The following ZDHHC13 variants were observed in gnomAD, a reference collection of about 807,000 sequenced individuals.
The protein encoded by ZDHHC13 is zDHHC palmitoyltransferase 13.
ZDHHC13 carries 85 observed loss-of-function variants against 86.0 expected under a neutral mutation model. The ratio of observed to expected loss-of-function variants is 0.99; its 90% confidence interval spans 0.83 to 1.18. The LOEUF is 1.18. ZDHHC13 is among the 50% of genes most tolerant of loss of function. ZDHHC13 has a pLI of 0.00. For synonymous variants in ZDHHC13, 263 were observed against 246.4 expected, an observed-to-expected ratio of 1.07 and a Z score of -0.63; for missense variants, 711 against 730.2, an observed-to-expected ratio of 0.97 and a Z score of 0.30.
chr11:19,140,352 A>C (rs538873280), intron 1 of ZDHHC13, among the ~76,000 whole-genome samples: 1 of 152,346 alleles, frequency 6.6e-6, no homozygotes, highest in African/African-American at 2.4e-5. Flanking sequence ...AATGCAAATC[A>C]AAACCACAAT....
At chr11:19,170,375 CTTTTTTTTT>C in intron 14 of ZDHHC13, 27 bp from the exon 15 acceptor site, 6 of 1,234,778 alleles carry the variant, frequency 4.9e-6, no homozygotes, top group Admixed American at 4.2e-5. Flanking sequence ...AGTTTATTGC[CTTTTTTTTT>C]TTTTTTTTTT....
chr11:19,117,287 C>A lies in ZDHHC13; in HGVS notation c.27+11C>A. The A allele has an allele frequency of 6.8e-7, 1 of 1,472,632 alleles. No homozygotes were observed. Among genetic ancestry groups the A allele is most frequent in the Middle Eastern group, 2.4e-4 (1 of 4,084 alleles). The allele number at this position is 1,472,632 out of a possible 1,614,324, so 91.2% of individuals were successfully genotyped here. A position where few individuals can be genotyped will look rare whatever the true frequency, so the allele number is the denominator to read the frequency against. ...GGGCTGGGCTCGCAGGTGAGTGCGG[C>A]CGGGCGGTGGCTGTCCTGGGGGCCG... is the stretch of plus-strand genomic sequence containing the variant. On this transcript the variant is annotated intron_variant, in intron 1 of 16. Coordinates refer to ENST00000446113, the MANE Select transcript of ZDHHC13 (RefSeq NM_019028.3). This position sits in a 1 kb window ranked among gnomAD's most constrained non-coding sequence, Gnocchi z 4.2.
At chr11:19,128,500 T>C (rs1339577256) in intron 1 of ZDHHC13, among the ~76,000 whole-genome samples, 1 of 152,226 alleles carries the variant, frequency 6.6e-6, no homozygotes, top group Non-Finnish European at 1.5e-5. Flanking sequence ...ATAGAAGTGC[T>C]GAGAGCAGGC....
At chr11:19,145,825 A>G (rs533924984) in intron 2 of ZDHHC13, among the ~76,000 whole-genome samples, 2 of 152,258 alleles carry the variant, frequency 1.3e-5, no homozygotes, top group South Asian at 2.1e-4. Context: ...AGATTATTGC[A>G]TGGGCTTGGT....
At chr11:19,175,796 T>C in intron 16 of ZDHHC13, 26 bp from the exon 17 acceptor site, 1 of 1,605,604 alleles carries the variant, frequency 6.2e-7, no homozygotes, top group South Asian at 1.1e-5. Context: ...TAGTAAGACA[T>C]GTTCTCTTTT....
intron 1 of ZDHHC13, among the ~76,000 whole-genome samples, chr11:19,136,539 C>A (rs1345499316): frequency 2.0e-5 from 3 of 152,114 alleles, no homozygotes; most frequent in African/African-American, 7.2e-5. Context: ...TGTAGCAAGG[C>A]CAACATTCAG....
intron 1 of ZDHHC13, among the ~76,000 whole-genome samples, chr11:19,142,018 G>A (rs1349859332): frequency 1.3e-5 from 2 of 152,072 alleles, no homozygotes; most frequent in African/African-American, 2.4e-5. Flanking sequence ...TTAACCAACT[G>A]AGCTAGCACG....
intron 1 of ZDHHC13, among the ~76,000 whole-genome samples, chr11:19,142,299 G>C (rs959828794): frequency 1.3e-5 from 2 of 152,086 alleles, no homozygotes; most frequent in South Asian, 2.1e-4. Context: ...ACAGGCCCTC[G>C]CATATCATGG....
At position 19,176,321 on chromosome 11, in the gene ZDHHC13, G is replaced by A. The variant is rs1444681507; in HGVS notation, c.*361G>A. ...TCTTTAAACTTGTAATTTTTGCTAA[G>A]TTATTTGTCTTTGTTGTATCTATAA... is the stretch of plus-strand genomic sequence containing the variant. On this transcript the variant is annotated 3_prime_UTR_variant, in exon 17 of 17. Transcript: ENST00000446113. 1.3e-5 allele frequency: 2 copies of A among 156,542 alleles called. No individual in the cohort carries two copies. The highest frequency in any genetic ancestry group is 2.8e-5 in the Non-Finnish European group (2 of 70,960). 9.7% of individuals were successfully genotyped at this position (156,542 alleles called of 1,614,324 possible).
At chr11:19,142,421 A>G (rs1849346055) in intron 1 of ZDHHC13, among the ~76,000 whole-genome samples, 1 of 152,136 alleles carries the variant, frequency 6.6e-6, no homozygotes, top group Non-Finnish European at 1.5e-5. Context: ...GCCATATTCC[A>G]TTGCCTAGAA....
intron 8 of ZDHHC13, 123 bp from the exon 9 acceptor site, chr11:19,155,673 T>C: frequency 3.0e-6 from 3 of 1,007,272 alleles, no homozygotes; most frequent in Non-Finnish European, 4.1e-6. Flanking sequence ...GAAAACTTTG[T>C]GTTAGCTTTG....
At chr11:19,123,643 T>A (rs75713241) in intron 1 of ZDHHC13, among the ~76,000 whole-genome samples, 2,938 of 151,960 alleles carry the variant, frequency 0.019, 98 homozygotes, top group African/African-American at 0.067. Flanking sequence ...TAATACCCCA[T>A]CTCAAAAACA....
At chr11:19,131,220 A>C (rs1848993592) in intron 1 of ZDHHC13, among the ~76,000 whole-genome samples, 1 of 152,116 alleles carries the variant, frequency 6.6e-6, no homozygotes, top group East Asian at 1.9e-4. Context: ...GGGTTTCACC[A>C]TATTGGCCAG....
At chr11:19,141,767 T>C (rs769964975) in intron 1 of ZDHHC13, among the ~76,000 whole-genome samples, 1 of 151,818 alleles carries the variant, frequency 6.6e-6, no homozygotes, top group South Asian at 2.1e-4. Flanking sequence ...TCAAATTAGT[T>C]TGAATGACAA....
intron 1 of ZDHHC13, among the ~76,000 whole-genome samples, chr11:19,124,868 G>T (rs772774038): frequency 2.0e-5 from 3 of 152,084 alleles, no homozygotes; most frequent in Non-Finnish European, 4.4e-5. Flanking sequence ...CAAATCAGTA[G>T]CTGATTTACC....
intron 1 of ZDHHC13, among the ~76,000 whole-genome samples, chr11:19,119,743 G>T (rs532588248): frequency 6.6e-6 from 1 of 152,340 alleles, no homozygotes; most frequent in African/African-American, 2.4e-5. Flanking sequence ...TATAGGGACA[G>T]TGATTTTTGT....
intron 8 of ZDHHC13, among the ~76,000 whole-genome samples, chr11:19,155,478 G>A (rs1406468188): frequency 1.3e-5 from 2 of 151,610 alleles, no homozygotes. Context: ...CTACTTGGGA[G>A]GCTGAGCCAA....
At chr11:19,131,105 G>C (rs1055731245) in intron 1 of ZDHHC13, among the ~76,000 whole-genome samples, 4 of 151,920 alleles carry the variant, frequency 2.6e-5, no homozygotes, top group African/African-American at 9.7e-5. Flanking sequence ...TGCAAGCTCC[G>C]CCTCCCGGCT....
intron 14 of ZDHHC13, chr11:19,166,719 GAA>G (rs11341471): frequency 0.49 from 70,949 of 144,918 alleles, 20,433 homozygotes; most frequent in South Asian, 0.7. Flanking sequence ...AATAAAACAG[GAA>G]AAAAAAAAAA....
Sources: gnomAD v4.1 joint callset for allele counts (sites outside exome capture counted in the v4.1 genomes callset) on GRCh38, gnomAD v4.1.1 for gene constraint, Gnocchi (gnomAD v3.1) non-coding constraint, MANE v1.5 for transcripts, NCBI Gene and HGNC (gene_info 2026-07-23, HGNC 2026-07-21) for gene names.